ANKMY2: variants seen among roughly 807,000 people sequenced by gnomAD.
ANKMY2 encodes ankyrin repeat and MYND domain containing 2.
ANKMY2 carries 36 observed loss-of-function variants against 50.4 expected under a neutral mutation model. That is an observed-to-expected ratio of 0.71 (90% confidence interval 0.55 to 0.94). The LOEUF is 0.94. Among genes scored for constraint, ANKMY2 ranks in the 40% least tolerant of loss-of-function variants. The pLI is 0.00. For synonymous variants in ANKMY2, 187 were observed against 178.8 expected (o/e 1.05, Z -0.36); for missense variants, 565 against 524.0 (o/e 1.08, Z -0.76).
Position 16,610,600 on chromosome 7 carries a change from C to T in ANKMY2, c.695G>A (p.Cys232Tyr). The change falls in exon 6 of 10, where the codon TGC becomes TAC. Residue 232 changes from cysteine to tyrosine, a missense_variant. Physicochemically the swap from Cys to Tyr is radical, Grantham distance 194. Transcript: ENST00000306999. ...CTCTCCATCTTTTAAGAAGTTAATG[C>T]ATTTCTGAAAGATACAGCTTATGTA... Reference protein sequence around the residue: ...MHYISCIFQKCINFLKDGENK... With the variant: ...MHYISCIFQKYINFLKDGENK... 1 of 1,613,918 alleles carries T rather than the reference C, an allele frequency of 6.2e-7. No homozygotes were observed. The highest frequency in any genetic ancestry group is 1.3e-5 in the African/African-American group (1 of 75,038).
At chr7:16,616,056 T>C (rs1447552138) in intron 4 of ANKMY2, 152 bp from the exon 5 acceptor site, 1 of 722,696 alleles carries the variant, frequency 1.4e-6, no homozygotes, top group South Asian at 2.1e-5. Flanking sequence ...GGAGGAGAGA[T>C]AAAATATTTT....
intron 4 of ANKMY2, among the ~76,000 whole-genome samples, chr7:16,622,383 T>C (rs1404398): frequency 0.82 from 124,591 of 152,116 alleles, 51,256 homozygotes; most frequent in Admixed American, 0.85. Flanking sequence ...ATGGTAATAC[T>C]CAGCTCTGAT....
rs915512397 is a variant in ANKMY2, at chr7:16,600,639, A to C, written c.*122T>G. 8.8e-6 allele frequency: 7 copies of C among 792,972 alleles called. No individual in the cohort carries two copies. The Admixed American group carries it at 1.8e-4, about 20-fold the overall frequency. 49.1% of individuals were successfully genotyped at this position (792,972 alleles called of 1,614,324 possible). A position where few individuals can be genotyped will look rare whatever the true frequency, so the allele number is the denominator to read the frequency against. ...GGGTTTGCTTGAAAACCTGTATTCT[A>C]TGAAATGTGGAATCCTGCCATGGTG... is the stretch of plus-strand genomic sequence containing the variant. On this transcript the variant is annotated 3_prime_UTR_variant, in exon 10 of 10. Coordinates refer to ENST00000306999, the MANE Select transcript of ANKMY2 (RefSeq NM_020319.3).
At chr7:16,608,903 A>C (rs959751071) in intron 7 of ANKMY2, among the ~76,000 whole-genome samples, 3 of 152,166 alleles carry the variant, frequency 2.0e-5, no homozygotes, top group African/African-American at 7.2e-5. Flanking sequence ...CAGGAGGCTG[A>C]AGCAGGAGAA....
intron 7 of ANKMY2, among the ~76,000 whole-genome samples, chr7:16,608,504 AT>A (rs1781195028): frequency 6.6e-6 from 1 of 152,146 alleles, no homozygotes; most frequent in African/African-American, 2.4e-5. Context: ...TGAAGCCCTG[AT>A]GTTCCACACT....
chr7:16,641,944 G>C (rs2128347138), intron 1 of ANKMY2, among the ~76,000 whole-genome samples: 1 of 152,170 alleles, frequency 6.6e-6, no homozygotes, highest in East Asian at 1.9e-4. Flanking sequence ...CTTTTTAGGG[G>C]GTGATGAAGA....
intron 4 of ANKMY2, among the ~76,000 whole-genome samples, chr7:16,616,579 C>G (rs568525380): frequency 0.016 from 2,490 of 152,162 alleles, 54 homozygotes; most frequent in South Asian, 0.054. Flanking sequence ...GGCGCCCCCC[C>G]CTCCCTAGCT....
chr7:16,639,668 G>C (rs1172528233), intron 1 of ANKMY2, among the ~76,000 whole-genome samples: 1 of 152,134 alleles, frequency 6.6e-6, no homozygotes, highest in Non-Finnish European at 1.5e-5. Context: ...TGTAGTCCCA[G>C]CTACTCAGGA....
intron 1 of ANKMY2, among the ~76,000 whole-genome samples, chr7:16,642,644 G>A (rs1329993375): frequency 6.7e-6 from 1 of 148,428 alleles, no homozygotes; most frequent in Admixed American, 6.7e-5. Flanking sequence ...GTTGAAAAAC[G>A]TATGAAAGAA....
intron 1 of ANKMY2, chr7:16,644,600 A>G: frequency 2.3e-6 from 1 of 440,490 alleles, no homozygotes; most frequent in South Asian, 1.7e-5. Context: ...GTTTAAAATC[A>G]CCACATTAAT....
intron 7 of ANKMY2, 60 bp from the exon 8 acceptor site, chr7:16,604,909 G>C (rs1781127053): frequency 2.0e-6 from 3 of 1,536,874 alleles, no homozygotes; most frequent in Non-Finnish European, 2.6e-6. Context: ...AAACACTACA[G>C]AGGTATCAGC....
intron 8 of ANKMY2, among the ~76,000 whole-genome samples, 169 bp downstream of exon 8, chr7:16,604,552 T>C (rs1367687433): frequency 6.6e-6 from 1 of 152,206 alleles, no homozygotes; most frequent in Non-Finnish European, 1.5e-5. Flanking sequence ...ACTATATTGA[T>C]CCTATTAATT....
At chr7:16,619,466 T>C (rs1781403562) in intron 4 of ANKMY2, among the ~76,000 whole-genome samples, 1 of 152,130 alleles carries the variant, frequency 6.6e-6, no homozygotes, top group African/African-American at 2.4e-5. Flanking sequence ...ATTATACCTT[T>C]TTAAAAAGAA....
intron 4 of ANKMY2, among the ~76,000 whole-genome samples, chr7:16,619,898 C>A (rs1781409506): frequency 6.6e-6 from 1 of 152,176 alleles, no homozygotes; most frequent in Non-Finnish European, 1.5e-5. Flanking sequence ...AAATCAAATG[C>A]TCTTCCAGAA....
rs1781673121 is a variant in ANKMY2 at position 16,637,089 on chromosome 7, T to G, written c.68-634A>C. ...CCAAAGTTGTCAGGTTTTTCCAGTC[T>G]TCTATAAGGCATAATGACAGAAGCA... On this transcript the variant is annotated intron_variant, in intron 1 of 9. Coordinates refer to ENST00000306999, the MANE Select transcript of ANKMY2 (RefSeq NM_020319.3). Among the ~76,000 whole-genome samples the G allele has an allele frequency of 2.0e-5, 3 of 152,342 alleles. No individual in the cohort carries two copies. In the South Asian group the frequency reaches 6.2e-4, roughly 32 times the overall value.
At chr7:16,627,388 A>G (rs897038392) in intron 2 of ANKMY2, among the ~76,000 whole-genome samples, 4 of 152,234 alleles carry the variant, frequency 2.6e-5, no homozygotes, top group African/African-American at 9.6e-5. Context: ...TTTACGGATT[A>G]GCAAACAGAT....
At chr7:16,602,152 T>C (rs1360897648) in intron 9 of ANKMY2, among the ~76,000 whole-genome samples, 1 of 152,182 alleles carries the variant, frequency 6.6e-6, no homozygotes, top group African/African-American at 2.4e-5. Context: ...AAATATGAAA[T>C]AAGCTACATC....
At chr7:16,623,173 A>C (rs1479495062) in intron 4 of ANKMY2, among the ~76,000 whole-genome samples, 1 of 152,216 alleles carries the variant, frequency 6.6e-6, no homozygotes, top group East Asian at 1.9e-4. Flanking sequence ...GCATGTATAC[A>C]TACTGATCCA....
Position 16,617,975 on chromosome 7 carries a change from TGTA to T in ANKMY2, c.371-2074_371-2072del, listed in dbSNP as rs542898864. 1.8e-3 allele frequency among the ~76,000 whole-genome samples: 258 copies of T among 146,850 alleles called. 2 individuals are homozygous for T. Among genetic ancestry groups the T allele is most frequent in the African/African-American group, 6.4e-3 (249 of 38,992 alleles). On this transcript the variant is annotated intron_variant, in intron 4 of 9. Coordinates refer to ENST00000306999, the MANE Select transcript of ANKMY2 (RefSeq NM_020319.3). ...CAGAGTCTGGCTCTGTTGCCCAGGC[TGTA>T]GTGCAGTCACGTGATCTTGGCTCAC...
Sources: gnomAD v4.1 joint callset for allele counts (sites outside exome capture counted in the v4.1 genomes callset) on GRCh38, gnomAD v4.1.1 for gene constraint, MANE v1.5 for transcripts, NCBI Gene and HGNC (gene_info 2026-07-23, HGNC 2026-07-21) for gene names.